Variants in SEC14L6 observed in about 807,000 individuals in gnomAD.
SEC14L6 encodes SEC14-like protein 6.
Under a neutral mutation model 54.1 loss-of-function variants are expected in SEC14L6, and 40 were observed. The ratio of observed to expected loss-of-function variants is 0.74; its 90% CI spans 0.57 to 0.96. The LOEUF (loss-of-function observed/expected upper bound fraction) is 0.96. Among genes scored for constraint, SEC14L6 ranks in the 40% least tolerant of loss-of-function variants. SEC14L6 has a pLI of 0.00. For synonymous variants in SEC14L6, 171 were observed against 198.4 expected, an observed-to-expected ratio of 0.86 and a Z score of 1.16; for missense variants, 471 against 498.3, an observed-to-expected ratio of 0.95 and a Z score of 0.52.
chr22:30,526,234 G>A (rs1936775560), intron 8 of SEC14L6, among the ~76,000 whole-genome samples: 1 of 152,346 alleles, frequency 6.6e-6, no homozygotes, highest in South Asian at 2.1e-4. Context: ...ACGTTCATAG[G>A]AACTCGGACC....
At chr22:30,531,781 TG>T in intron 6 of SEC14L6, 121 bp downstream of exon 6, 1 of 663,430 alleles carries the variant, frequency 1.5e-6, no homozygotes. Context: ...GCAGTACCTG[TG>T]GGCGGGTACT....
At position 30,544,854 on chromosome 22, in the gene SEC14L6, G is replaced by A. The variant is rs180816144; in HGVS notation, c.54+1775C>T. Among the ~76,000 whole-genome samples, 496 of 152,250 alleles carry A rather than the reference G, an allele frequency of 3.3e-3. 3 individuals carry two copies. The highest frequency in any genetic ancestry group is 0.01 in the Admixed American group (157 of 15,298). ...TGTAAATTACTGAGAAATGTGAAACGTGCAATCTTGAAACTGAGGTGTTAG... is the reference window on the plus strand; with the variant it reads ...TGTAAATTACTGAGAAATGTGAAACATGCAATCTTGAAACTGAGGTGTTAG... On this transcript the variant is annotated intron_variant, in intron 1 of 11. Transcript: ENST00000402034.
intron 1 of SEC14L6, among the ~76,000 whole-genome samples, chr22:30,540,322 G>T (rs369700011): frequency 6.7e-6 from 1 of 149,336 alleles, no homozygotes; most frequent in East Asian, 2.0e-4. Context: ...GGTCTAAGCA[G>T]AATGTCCTTT....
intron 1 of SEC14L6, among the ~76,000 whole-genome samples, chr22:30,540,370 T>C (rs1421893109): frequency 4.6e-4 from 52 of 113,012 alleles, no homozygotes; most frequent in Non-Finnish European, 7.1e-4. Context: ...TTTGTTCCTT[T>C]TTTTTTTTTT....
At chr22:30,546,500 A>C in intron 1 of SEC14L6, 129 bp downstream of exon 1, 1 of 751,306 alleles carries the variant, frequency 1.3e-6, no homozygotes, top group South Asian at 1.9e-5. Context: ...CTGGCTACCA[A>C]GCCCCTCAGG....
chr22:30,532,211 G>A (rs940696573), intron 5 of SEC14L6: 57 of 985,334 alleles, frequency 5.8e-5, no homozygotes, highest in Non-Finnish European at 6.1e-5. Flanking sequence ...AGGCCAAATC[G>A]CTGTGTTGCA....
At chr22:30,534,662 C>T (rs1383364045) in intron 2 of SEC14L6, among the ~76,000 whole-genome samples, 3 of 152,082 alleles carry the variant, frequency 2.0e-5, no homozygotes, top group Non-Finnish European at 4.4e-5. Flanking sequence ...CCGCCTGCCT[C>T]ACCCCCCAGA....
chr22:30,529,793 G>A (rs970197003), intron 6 of SEC14L6, among the ~76,000 whole-genome samples: 2 of 152,070 alleles, frequency 1.3e-5, no homozygotes, highest in African/African-American at 4.8e-5. Context: ...ATTCATGACA[G>A]GCAAGAAAAA....
At chr22:30,530,102 G>GT (rs1003067466) in intron 6 of SEC14L6, among the ~76,000 whole-genome samples, 7 of 151,886 alleles carry the variant, frequency 4.6e-5, no homozygotes, top group East Asian at 1.9e-4. Context: ...ATAGGGAATG[G>GT]TTTTTTTTAA....
Position 30,541,634 on chromosome 22 carries a change from G to A in SEC14L6, c.55-2732C>T, listed in dbSNP as rs192059493. Among the ~76,000 whole-genome samples, 3 of 152,090 alleles carry A rather than the reference G, an allele frequency of 2.0e-5. No individual in the cohort carries two copies. In the East Asian group the frequency reaches 5.8e-4, roughly 29 times the overall value. On this transcript the variant is annotated intron_variant, in intron 1 of 11. Transcript: ENST00000402034. The stretch of plus-strand genomic sequence containing the variant: ...GATCACATCACTGCACTCCAGCCTG[G>A]GTGACAGAGCCAGACTCCATCTCAA...
At position 30,538,907 on chromosome 22, in the gene SEC14L6, G is replaced by A. The variant is rs1321919482; in HGVS notation, c.55-5C>T. On this transcript the variant is annotated splice_region_variant and splice_polypyrimidine_tract_variant and intron_variant, in intron 1 of 11. Coordinates refer to ENST00000402034, the MANE Select transcript of SEC14L6 (RefSeq NM_001193336.4). Reference sequence around the variant, plus strand: ...ATCTTGGATGTTCTCCCGGAACTGAGGACAGACAGGGAGAGACCTGGGTCA... The same window carrying A: ...ATCTTGGATGTTCTCCCGGAACTGAAGACAGACAGGGAGAGACCTGGGTCA... 1 of 1,549,208 alleles carries A rather than the reference G, an allele frequency of 6.5e-7. No homozygotes were observed. Among genetic ancestry groups the A allele is most frequent in the African/African-American group, 1.4e-5 (1 of 72,988 alleles).
At chr22:30,531,672 C>T (rs986880576) in intron 6 of SEC14L6, among the ~76,000 whole-genome samples, 1 of 152,092 alleles carries the variant, frequency 6.6e-6, no homozygotes. Context: ...TGTAGTGAGC[C>T]GAGATCACGC....
In SEC14L6 at chr22:30,546,671, T is replaced by A. The variant is rs2085802800; in HGVS notation, c.12A>T (p.Gln4His). MSGQVGDLSPSQEK... is the reference protein window; with the variant it reads MSGHVGDLSPSQEK... ...CCTGCGATGGGCTCAGGTCACCCAC[T>A]TGTCCACTCATGCTGCCCATGAATG... Residue 4 changes from glutamine (Q) to histidine (H), a missense_variant, in exon 1 of 12, where the codon CAA becomes CAT. Physicochemically the swap from Gln to His is conservative, Grantham distance 24. Transcript: ENST00000402034. 7 of 1,550,392 alleles carry A rather than the reference T, an allele frequency of 4.5e-6. No individual in the cohort carries two copies. The highest frequency in any genetic ancestry group is 6.1e-6 in the Non-Finnish European group (7 of 1,146,964).
At chr22:30,533,901 G>T in intron 3 of SEC14L6, 95 bp downstream of exon 3, 2 of 1,175,052 alleles carry the variant, frequency 1.7e-6, no homozygotes, top group Non-Finnish European at 2.5e-6. Context: ...TTCCATGAAT[G>T]AATGAATGGA....
At chr22:30,534,117 C>A in intron 2 of SEC14L6, 78 bp from the exon 3 acceptor site, 1 of 1,407,876 alleles carries the variant, frequency 7.1e-7, no homozygotes, top group Non-Finnish European at 9.8e-7. Context: ...CGGCCCTGCC[C>A]CACCCTCCAG....
chr22:30,543,732 G>A lies in SEC14L6; in HGVS notation c.54+2897C>T. On this transcript the variant is annotated intron_variant, in intron 1 of 11. Coordinates refer to ENST00000402034, the MANE Select transcript of SEC14L6 (RefSeq NM_001193336.4). ...GCACCTTGCTGGTGGCCCTACTGAT[G>A]GAGGCTCTCTACCTCGTCCGAATCA... is the stretch of plus-strand genomic sequence containing the variant. 3.1e-6 allele frequency: 5 copies of A among 1,592,332 alleles called. No individual in the cohort carries two copies. The South Asian group carries it at 5.5e-5, about 18-fold the overall frequency.
intron 2 of SEC14L6, among the ~76,000 whole-genome samples, chr22:30,535,405 T>G (rs555936888): frequency 1.3e-5 from 2 of 152,312 alleles, no homozygotes; most frequent in Admixed American, 6.5e-5. Context: ...CCCAGGGCCT[T>G]GGGGAGTAGT....
At chr22:30,545,391 A>G (rs2085788118) in intron 1 of SEC14L6, among the ~76,000 whole-genome samples, 1 of 151,824 alleles carries the variant, frequency 6.6e-6, no homozygotes, top group African/African-American at 2.4e-5. Context: ...ATCCCCTCAA[A>G]ACACTCATTT....
At chr22:30,535,295 GCTTT>G (rs1468909547) in intron 2 of SEC14L6, among the ~76,000 whole-genome samples, 1 of 152,190 alleles carries the variant, frequency 6.6e-6, no homozygotes, top group African/African-American at 2.4e-5. Flanking sequence ...CTGTCACCCA[GCTTT>G]CTAAGAGTCA....
Sources: gnomAD v4.1 joint callset for allele counts (sites outside exome capture counted in the v4.1 genomes callset) on GRCh38, gnomAD v4.1.1 for gene constraint, MANE v1.5 for transcripts, NCBI Gene and HGNC (gene_info 2026-07-23, HGNC 2026-07-21) for gene names.